CACNA1C: variants seen among roughly 807,000 people sequenced by gnomAD.
CACNA1C encodes the protein calcium voltage-gated channel subunit alpha1 C.
Under a neutral mutation model 229.0 loss-of-function variants are expected in CACNA1C, and 30 were observed. That is an observed-to-expected ratio of 0.13 (90% confidence interval 0.10 to 0.18). CACNA1C has a LOEUF of 0.18. Ranked by LOEUF, CACNA1C falls within the 10% of genes least tolerant of loss-of-function variation. The probability of loss-of-function intolerance (pLI) is 1.00; values close to 1 mark genes in which losing one functional copy is unlikely to be tolerated. For synonymous variants in CACNA1C, 1,114 were observed against 1,132.5 expected (o/e 0.98, Z 0.33); for missense variants, 1,658 against 2,845.0 (o/e 0.58, Z 9.49).
intron 3 of CACNA1C, among the ~76,000 whole-genome samples, chr12:2,270,638 A>G (rs1566797133): frequency 6.6e-6 from 1 of 152,208 alleles, no homozygotes; most frequent in Non-Finnish European, 1.5e-5. Context: ...ACAGGAACTC[A>G]GGAGGCCAGG....
chr12:2,091,579 C>T (rs1053867877), intron 1 of CACNA1C, among the ~76,000 whole-genome samples: 1 of 150,432 alleles, frequency 6.6e-6, no homozygotes, highest in Non-Finnish European at 1.5e-5. Flanking sequence ...CTTCCTCTTC[C>T]GAGGACCCTT....
chr12:2,174,052 T>G (rs1272129677), intron 3 of CACNA1C, among the ~76,000 whole-genome samples: 1 of 152,138 alleles, frequency 6.6e-6, no homozygotes. Flanking sequence ...ACAGATTTAT[T>G]ACATAATATG....
intron 9 of CACNA1C, among the ~76,000 whole-genome samples, chr12:2,542,555 G>A (rs1352885033): frequency 1.3e-5 from 2 of 152,162 alleles, no homozygotes; most frequent in African/African-American, 4.8e-5. Context: ...AAATTTCAGC[G>A]AGTAAACCCT....
chr12:2,254,765 T>G (rs2076781082), intron 3 of CACNA1C, among the ~76,000 whole-genome samples: 3 of 152,126 alleles, frequency 2.0e-5, no homozygotes, highest in Non-Finnish European at 4.4e-5. Flanking sequence ...GGGGACGATA[T>G]ATGTTGAGAA....
chr12:2,437,865 T>TGGTGGC (rs1596259534), intron 3 of CACNA1C, among the ~76,000 whole-genome samples: 2 of 148,412 alleles, frequency 1.3e-5, no homozygotes, highest in East Asian at 2.1e-4. Flanking sequence ...GTGGTGATGG[T>TGGTGGC]GGTGGTAATG....
intron 3 of CACNA1C, among the ~76,000 whole-genome samples, chr12:2,121,606 G>C (rs959314470): frequency 6.6e-6 from 1 of 152,202 alleles, no homozygotes; most frequent in Admixed American, 6.5e-5. Context: ...GCACACCACT[G>C]AGTGATGGCA....
intron 1 of CACNA1C, among the ~76,000 whole-genome samples, chr12:2,043,334 A>T (rs1448100086): frequency 6.6e-6 from 1 of 152,228 alleles, no homozygotes; most frequent in African/African-American, 2.4e-5. Context: ...AATATAATAC[A>T]AATCTATTTC....
chr12:2,332,251 A>G (rs747213172), intron 3 of CACNA1C, among the ~76,000 whole-genome samples: 2 of 152,238 alleles, frequency 1.3e-5, no homozygotes, highest in African/African-American at 2.4e-5. Flanking sequence ...AATAAAGCAA[A>G]TATGACAAAA....
Position 2,597,639 on chromosome 12 carries a change from C to A in CACNA1C, c.2853+350C>A. 1.4e-6 allele frequency: 1 copy of A among 700,176 alleles called. No individual in the cohort carries two copies. The highest frequency in any genetic ancestry group is 2.5e-6 in the Non-Finnish European group (1 of 397,702). The allele number at this position is 700,176 out of a possible 1,614,324, so 43.4% of individuals were successfully genotyped here. On this transcript the variant is annotated intron_variant, in intron 21 of 46. Coordinates refer to ENST00000399655, the MANE Select transcript of CACNA1C (RefSeq NM_000719.7). This position sits in a 1 kb window ranked among gnomAD's most constrained non-coding sequence, Gnocchi z 4.3. ...TGAAATTGGAAAAATGAGTGCCCCT[C>A]ACTTTGTGTGATGCACTTTGCCCAG...
intron 3 of CACNA1C, among the ~76,000 whole-genome samples, chr12:2,335,692 C>G (rs2096670903): frequency 6.6e-6 from 1 of 152,164 alleles, no homozygotes; most frequent in South Asian, 2.1e-4. Flanking sequence ...GTGCTTCCTC[C>G]CTGCACATCT....
intron 3 of CACNA1C, among the ~76,000 whole-genome samples, chr12:2,408,558 T>A (rs2098765753): frequency 6.6e-6 from 1 of 151,852 alleles, no homozygotes; most frequent in African/African-American, 2.4e-5. Flanking sequence ...CAGAGAACTC[T>A]GCTATGTTAT....
chr12:2,399,938 A>G (rs2098653177), intron 3 of CACNA1C, among the ~76,000 whole-genome samples: 1 of 152,230 alleles, frequency 6.6e-6, no homozygotes, highest in Non-Finnish European at 1.5e-5. Context: ...GTCTGCCTGT[A>G]TGCACCAGGG....
At chr12:2,211,907 G>T (rs1189391177) in intron 3 of CACNA1C, among the ~76,000 whole-genome samples, 1 of 151,904 alleles carries the variant, frequency 6.6e-6, no homozygotes, top group East Asian at 1.9e-4. Context: ...TTTTAGTAGA[G>T]ATGGGGTTTC....
chr12:2,122,752 A>G (rs1470072507), intron 3 of CACNA1C, among the ~76,000 whole-genome samples: 3 of 152,184 alleles, frequency 2.0e-5, no homozygotes, highest in African/African-American at 7.2e-5. Flanking sequence ...TTTCCAAGTA[A>G]ATTGTTGCTA....
intron 34 of CACNA1C, among the ~76,000 whole-genome samples, chr12:2,661,253 T>C (rs912404887): frequency 1.5e-5 from 2 of 135,766 alleles, no homozygotes; most frequent in South Asian, 2.7e-4. Context: ...TGAAGTGACA[T>C]CCCATCTCTA....
chr12:2,334,119 G>A (rs567806407), intron 3 of CACNA1C, among the ~76,000 whole-genome samples: 2 of 152,284 alleles, frequency 1.3e-5, no homozygotes, highest in South Asian at 4.1e-4. Context: ...CAAGAGGTGG[G>A]CCCTCCATGC....
chr12:2,236,707 G>A (rs755487093), intron 3 of CACNA1C, among the ~76,000 whole-genome samples: 5 of 152,186 alleles, frequency 3.3e-5, no homozygotes, highest in Non-Finnish European at 7.3e-5. Flanking sequence ...CATCACAAAA[G>A]CAGAATCACC....
intron 44 of CACNA1C, 113 bp downstream of exon 44, chr12:2,685,955 G>A (rs2097444399): frequency 4.7e-6 from 4 of 856,216 alleles, no homozygotes. Context: ...CCACACAGTG[G>A]GGCATTTCCA....
At chr12:2,183,812 A>G (rs937728672) in intron 3 of CACNA1C, among the ~76,000 whole-genome samples, 20 of 152,242 alleles carry the variant, frequency 1.3e-4, no homozygotes, top group Non-Finnish European at 2.4e-4. Context: ...GTGGCTGAGG[A>G]AATAGCGGTA....
Sources: gnomAD v4.1 joint callset for allele counts (sites outside exome capture counted in the v4.1 genomes callset) on GRCh38, gnomAD v4.1.1 for gene constraint, Gnocchi (gnomAD v3.1) non-coding constraint, MANE v1.5 for transcripts, NCBI Gene and HGNC (gene_info 2026-07-23, HGNC 2026-07-21) for gene names.